The following LPGAT1 variants were observed in gnomAD, a reference collection of about 807,000 sequenced individuals.
LPGAT1 encodes lysophosphatidylglycerol acyltransferase 1, also known as acyl-CoA:lysophosphatidylglycerol acyltransferase 1.
In LPGAT1, 11 loss-of-function variants were observed where a neutral mutation model predicts 47.5. That is an observed-to-expected ratio of 0.23 (90% CI 0.15 to 0.38). LPGAT1 has a LOEUF of 0.38. Ranked by LOEUF, LPGAT1 falls within the 10% of genes least tolerant of loss-of-function variation. LPGAT1 has a pLI of 1.00. For missense variants in LPGAT1, 293 were observed against 439.0 expected (o/e 0.67, Z 2.97); for synonymous variants, 138 against 144.2 (o/e 0.96, Z 0.31).
chr1:211,751,042 G>C lies in LPGAT1; in HGVS notation c.880C>G (p.Leu294Val). The change falls in exon 7 of 8, where the codon CTG (leucine) becomes GTG (valine). Residue 294 changes from leucine to valine, a missense_variant. Transcript: ENST00000366997. The part of the protein sequence containing the change: ...YRIFPIKDVP[L>V]ETDDLTTWLY... ...CAAGTGGTAAGGTCATCAGTCTCCA[G>C]GGGTACATCTTTAATTGGAAAGATC... is the stretch of plus-strand genomic sequence containing the variant. 8 of 1,613,024 alleles carry C rather than the reference G, an allele frequency of 5.0e-6. No individual in the cohort carries two copies. Among genetic ancestry groups the C allele is most frequent in the Non-Finnish European group, 6.8e-6 (8 of 1,179,202 alleles).
chr1:211,770,963 G>T (rs1658141748), intron 6 of LPGAT1, among the ~76,000 whole-genome samples: 1 of 152,058 alleles, frequency 6.6e-6, no homozygotes, highest in Non-Finnish European at 1.5e-5. Flanking sequence ...TGAGCATGGT[G>T]GCACATGCCT....
At position 211,745,269 on chromosome 1, in the gene LPGAT1, C is replaced by T. The variant is rs2102476001; in HGVS notation, c.*4630G>A. 6.6e-6 allele frequency: 1 copy of T among 152,564 alleles called. No individual in the cohort carries two copies. The highest frequency in any genetic ancestry group is 2.4e-5 in the African/African-American group (1 of 41,546). The allele number at this position is 152,564 out of a possible 1,614,324, so 9.5% of individuals were successfully genotyped here. Reference sequence around the variant, plus strand: ...CAAGCTGAAGTAAACATTACAGCATCAGGAAAATGAAAACCCATCTGTATA... The same window carrying T: ...CAAGCTGAAGTAAACATTACAGCATTAGGAAAATGAAAACCCATCTGTATA... On this transcript the variant is annotated 3_prime_UTR_variant, in exon 8 of 8. Transcript: ENST00000366997.
At position 211,830,631 on chromosome 1, in the gene LPGAT1, T is replaced by TGGCCGGCGGCGG; in HGVS notation, c.-98_-87dup. 2 of 1,197,648 alleles carry TGGCCGGCGGCGG rather than the reference T, an allele frequency of 1.7e-6. No homozygotes were observed. Among genetic ancestry groups the TGGCCGGCGGCGG allele is most frequent in the Non-Finnish European group, 2.1e-6 (2 of 966,280 alleles). The allele number at this position is 1,197,648 out of a possible 1,614,324, so 74.2% of individuals were successfully genotyped here. A position where few individuals can be genotyped will look rare whatever the true frequency, so the allele number is the denominator to read the frequency against. ...GAGTCAGAGGAGCCGGAAGAATGCA[T>TGGCCGGCGGCGG]GGCCGGCGGCGGGGCCGGCGGAAGA... On this transcript the variant is annotated 5_prime_UTR_variant, in exon 1 of 8. Transcript: ENST00000366997. The surrounding 1 kb of genome is among the most constrained non-coding windows in gnomAD (Gnocchi z 5.9).
chr1:211,769,868 T>C (rs532173929), intron 6 of LPGAT1, among the ~76,000 whole-genome samples: 2 of 152,280 alleles, frequency 1.3e-5, no homozygotes, highest in African/African-American at 2.4e-5. Context: ...TCTTGTGCCA[T>C]AACCTCTTAT....
intron 2 of LPGAT1, among the ~76,000 whole-genome samples, chr1:211,818,878 A>G (rs1660268191): frequency 1.3e-5 from 2 of 152,242 alleles, no homozygotes; most frequent in African/African-American, 2.4e-5. Flanking sequence ...GCAGTCTAAG[A>G]ATCAAAACAC....
chr1:211,787,645 A>C lies in LPGAT1; in HGVS notation c.440T>G (p.Phe147Cys), dbSNP rs781216535. ...CTCATTACTTACCTGTCTTATAAAG[A>C]AGTCTCCATGAACTAGAGAAACAAT... ...FGIVSLVHGD[F>C]FIRQGRSYRD... is the part of the protein sequence containing the mutation. Residue 147 changes from phenylalanine (F) to cysteine (C), a missense_variant, in exon 4 of 8, where the codon TTC (phenylalanine) becomes TGC (cysteine). Transcript: ENST00000366997. The C allele has an allele frequency of 6.3e-7, 1 of 1,586,002 alleles. No homozygotes were observed. Among genetic ancestry groups the C allele is most frequent in the East Asian group, 2.2e-5 (1 of 44,652 alleles).
At chr1:211,783,643 G>A in intron 4 of LPGAT1, 141 bp from the exon 5 acceptor site, 1 of 629,146 alleles carries the variant, frequency 1.6e-6, no homozygotes, top group South Asian at 3.5e-5. Context: ...CCAACTTACT[G>A]CCCTTTTTGA....
Position 211,817,701 on chromosome 1 carries a change from T to C in LPGAT1, c.238+11358A>G, listed in dbSNP as rs1007658585. Among the ~76,000 whole-genome samples the C allele has an allele frequency of 1.9e-4, 29 of 152,302 alleles. No homozygotes were observed. In the South Asian group the frequency reaches 2.5e-3, roughly 13 times the overall value. On this transcript the variant is annotated intron_variant, in intron 2 of 7. Transcript: ENST00000366997. The stretch of plus-strand genomic sequence containing the variant: ...TGGCAACATTTTACCATGTCAGTAA[T>C]AGGATACATGAAACTTGAAAAACCT...
rs1656931558 is a variant in LPGAT1, at chr1:211,746,140, A to T, written c.*3759T>A. ...TAACCAGGTCCAACTAGTTCAGAAG[A>T]GTCTTTAAGGAAGTGATTGTCAAAA... On this transcript the variant is annotated 3_prime_UTR_variant, in exon 8 of 8. Coordinates refer to ENST00000366997, the MANE Select transcript of LPGAT1 (RefSeq NM_014873.3). 1 of 152,686 alleles carries T rather than the reference A, an allele frequency of 6.5e-6. No homozygotes were observed. The highest frequency in any genetic ancestry group is 1.5e-5 in the Non-Finnish European group (1 of 68,044). 9.5% of individuals were successfully genotyped at this position (152,686 alleles called of 1,614,324 possible).
intron 6 of LPGAT1, among the ~76,000 whole-genome samples, chr1:211,769,681 G>A (rs571730588): frequency 6.6e-6 from 1 of 152,252 alleles, no homozygotes; most frequent in Non-Finnish European, 1.5e-5. Flanking sequence ...TCCCCTTTTA[G>A]ACCATATAAG....
intron 2 of LPGAT1, among the ~76,000 whole-genome samples, chr1:211,825,937 G>A (rs2102611399): frequency 6.6e-6 from 1 of 151,970 alleles, no homozygotes; most frequent in East Asian, 1.9e-4. Context: ...TCTGGCCTGG[G>A]CAACAGAGCA....
At chr1:211,803,461 C>A (rs994942605) in intron 2 of LPGAT1, among the ~76,000 whole-genome samples, 2 of 151,898 alleles carry the variant, frequency 1.3e-5, no homozygotes, top group African/African-American at 4.8e-5. Context: ...ACAGACTTTC[C>A]AAAAAAGATG....
chr1:211,827,843 A>C (rs1258076311), intron 2 of LPGAT1, among the ~76,000 whole-genome samples: 1 of 152,210 alleles, frequency 6.6e-6, no homozygotes, highest in East Asian at 1.9e-4. Context: ...ACACTATCCC[A>C]GGGGCTTCAG....
chr1:211,775,136 G>A (rs1348033889), intron 6 of LPGAT1, among the ~76,000 whole-genome samples: 1 of 152,136 alleles, frequency 6.6e-6, no homozygotes, highest in Non-Finnish European at 1.5e-5. Flanking sequence ...TTTATAAGAA[G>A]TGAAAGTAAA....
chr1:211,827,557 C>G (rs1660576531), intron 2 of LPGAT1, among the ~76,000 whole-genome samples: 1 of 152,098 alleles, frequency 6.6e-6, no homozygotes, highest in Non-Finnish European at 1.5e-5. Flanking sequence ...ATACTATAAG[C>G]TAATTTAAAA....
intron 6 of LPGAT1, among the ~76,000 whole-genome samples, chr1:211,751,690 A>G (rs1657192799): frequency 6.6e-6 from 1 of 152,216 alleles, no homozygotes; most frequent in African/African-American, 2.4e-5. Flanking sequence ...GACAGGCAGC[A>G]TGAGGACTAC....
chr1:211,793,336 T>A, intron 2 of LPGAT1, 146 bp from the exon 3 acceptor site: 1 of 426,516 alleles, frequency 2.3e-6, no homozygotes, highest in Non-Finnish European at 4.2e-6. Flanking sequence ...TTATTTCCTG[T>A]GCAAATCAGA....
At chr1:211,759,435 T>G (rs1243484836) in intron 6 of LPGAT1, among the ~76,000 whole-genome samples, 2 of 152,206 alleles carry the variant, frequency 1.3e-5, no homozygotes, top group African/African-American at 4.8e-5. Flanking sequence ...CTTTTCATTC[T>G]TGATATTGGT....
At chr1:211,759,102 T>C (rs1288692032) in intron 6 of LPGAT1, among the ~76,000 whole-genome samples, 1 of 152,218 alleles carries the variant, frequency 6.6e-6, no homozygotes, top group Non-Finnish European at 1.5e-5. Context: ...TTATCTTGCA[T>C]CTATAACCAT....
Sources: gnomAD v4.1 joint callset for allele counts (sites outside exome capture counted in the v4.1 genomes callset) on GRCh38, gnomAD v4.1.1 for gene constraint, Gnocchi (gnomAD v3.1) non-coding constraint, MANE v1.5 for transcripts, NCBI Gene and HGNC (gene_info 2026-07-23, HGNC 2026-07-21) for gene names.